Variants in SUMF1 observed in about 807,000 individuals in gnomAD.
SUMF1 encodes the protein formylglycine-generating enzyme.
SUMF1 carries 48 observed loss-of-function variants against 47.6 expected under a neutral mutation model. That is an observed-to-expected ratio of 1.01 (90% CI 0.80 to 1.28). The LOEUF (loss-of-function observed/expected upper bound fraction) is 1.28. SUMF1 is among the 50% of genes most tolerant of loss of function. SUMF1 has a pLI of 0.00. For missense variants in SUMF1, 571 were observed against 485.4 expected (o/e 1.18, Z -1.66); for synonymous variants, 230 against 192.1 (o/e 1.20, Z -1.63).
intron 8 of SUMF1, among the ~76,000 whole-genome samples, chr3:4,241,552 A>C (rs1411222288): frequency 1.3e-5 from 2 of 152,182 alleles, no homozygotes; most frequent in Non-Finnish European, 2.9e-5. Context: ...GAACCAAATG[A>C]GATCATATAT....
intron 8 of SUMF1, among the ~76,000 whole-genome samples, chr3:4,298,241 T>C (rs1357554521): frequency 6.6e-6 from 1 of 152,142 alleles, no homozygotes. Flanking sequence ...AAGATCAAGG[T>C]TCCTGGTCAA....
chr3:4,165,727 T>A (rs924894351), intron 8 of SUMF1, among the ~76,000 whole-genome samples: 1 of 151,750 alleles, frequency 6.6e-6, no homozygotes, highest in Non-Finnish European at 1.5e-5. Flanking sequence ...CAGAAAAAAA[T>A]GAGCCACTTC....
intron 8 of SUMF1, among the ~76,000 whole-genome samples, chr3:4,362,792 TAGTCACAGCTACTCTAGAGGTTG>T (rs1198373350): frequency 1.3e-5 from 2 of 152,078 alleles, no homozygotes; most frequent in Non-Finnish European, 2.9e-5. Flanking sequence ...TGTGCACTTG[TAGTCACAGCTACTCTAGAGGTTG>T]AAGTGGGAAG....
At chr3:4,064,069 G>A (rs1321094345) in intron 9 of SUMF1, among the ~76,000 whole-genome samples, 1 of 152,076 alleles carries the variant, frequency 6.6e-6, no homozygotes, top group Non-Finnish European at 1.5e-5. Flanking sequence ...GAACCAGAGT[G>A]ACTTCATCTT....
intron 8 of SUMF1, among the ~76,000 whole-genome samples, chr3:4,267,650 G>A (rs1697223912): frequency 6.6e-6 from 1 of 151,646 alleles, no homozygotes; most frequent in Non-Finnish European, 1.5e-5. Flanking sequence ...CACCATAACT[G>A]GCCATCAGAG....
At chr3:4,273,624 T>C (rs768080832) in intron 8 of SUMF1, among the ~76,000 whole-genome samples, 1 of 149,814 alleles carries the variant, frequency 6.7e-6, no homozygotes, top group Non-Finnish European at 1.5e-5. Context: ...CTTTTAACTA[T>C]ATACTTAAAA....
chr3:4,226,857 T>C (rs557222751), intron 8 of SUMF1, among the ~76,000 whole-genome samples: 1 of 118,736 alleles, frequency 8.4e-6, no homozygotes, highest in African/African-American at 3.3e-5. Context: ...GCTATGACTA[T>C]GTAAGCATGA....
intron 8 of SUMF1, among the ~76,000 whole-genome samples, chr3:4,295,028 G>A (rs1041685709): frequency 4.6e-5 from 7 of 152,070 alleles, no homozygotes; most frequent in African/African-American, 7.2e-5. Context: ...TTCTTTTTAC[G>A]ACAAACTTTT....
chr3:4,323,521 T>A (rs1698880646), intron 8 of SUMF1, among the ~76,000 whole-genome samples: 1 of 152,146 alleles, frequency 6.6e-6, no homozygotes, highest in Non-Finnish European at 1.5e-5. Context: ...AGGTGGATTT[T>A]ATGGTATGTG....
chr3:4,090,299 GGGTTTTCTCTAGGTACTTT>G (rs1339495769), intron 8 of SUMF1, among the ~76,000 whole-genome samples: 5 of 152,028 alleles, frequency 3.3e-5, no homozygotes, highest in African/African-American at 1.2e-4. Flanking sequence ...ATGTCTGCAT[GGGTTTTCTCTAGGTACTTT>G]GGTTTTCTCT....
chr3:4,176,908 A>G (rs1694977658), intron 8 of SUMF1, among the ~76,000 whole-genome samples: 1 of 152,198 alleles, frequency 6.6e-6, no homozygotes, highest in Non-Finnish European at 1.5e-5. Flanking sequence ...GATAAAACAG[A>G]CTTTAAACCA....
intron 3 of SUMF1, among the ~76,000 whole-genome samples, chr3:4,435,307 G>A (rs1559298089): frequency 6.6e-6 from 1 of 152,144 alleles, no homozygotes; most frequent in African/African-American, 2.4e-5. Flanking sequence ...AGAGCTCTCA[G>A]AGAAAATAGG....
intron 8 of SUMF1, among the ~76,000 whole-genome samples, chr3:4,122,047 G>A (rs991199195): frequency 6.6e-6 from 1 of 151,350 alleles, no homozygotes; most frequent in Non-Finnish European, 1.5e-5. Flanking sequence ...ACATGATCGC[G>A]TTCTTTTTTT....
At chr3:4,291,361 ATC>A (rs1169050683) in intron 8 of SUMF1, among the ~76,000 whole-genome samples, 1 of 151,432 alleles carries the variant, frequency 6.6e-6, no homozygotes, top group African/African-American at 2.4e-5. Flanking sequence ...CTTGAAATCC[ATC>A]TCTCTCTCCC....
chr3:4,143,191 T>A (rs1460575321), intron 8 of SUMF1, among the ~76,000 whole-genome samples: 2 of 152,150 alleles, frequency 1.3e-5, no homozygotes, highest in Admixed American at 6.5e-5. Flanking sequence ...AAACAACATC[T>A]ACATTTACAC....
chr3:4,347,719 A>T (rs1331335834), intron 8 of SUMF1, among the ~76,000 whole-genome samples: 1 of 152,196 alleles, frequency 6.6e-6, no homozygotes, highest in Non-Finnish European at 1.5e-5. Context: ...AGGGTATTCA[A>T]TAGGAAGAGA....
chr3:4,072,261 A>G (rs1281412747), intron 8 of SUMF1, among the ~76,000 whole-genome samples: 1 of 152,162 alleles, frequency 6.6e-6, no homozygotes, highest in Admixed American at 6.5e-5. Flanking sequence ...AAGGAAAACT[A>G]ACAAATAGAA....
At chr3:4,181,100 G>T (rs1695086653) in intron 8 of SUMF1, among the ~76,000 whole-genome samples, 1 of 152,158 alleles carries the variant, frequency 6.6e-6, no homozygotes, top group African/African-American at 2.4e-5. Flanking sequence ...TCCACATAGA[G>T]GATAGTGGAA....
chr3:4,207,792 C>G (rs898095323), intron 8 of SUMF1, among the ~76,000 whole-genome samples: 22 of 152,230 alleles, frequency 1.4e-4, no homozygotes, highest in African/African-American at 5.1e-4. Context: ...CAAGGAGATA[C>G]AGAAAACCAC....
Sources: allele counts gnomAD v4.1 joint callset (sites outside exome capture counted in the v4.1 genomes callset), GRCh38; gene constraint gnomAD v4.1.1; transcripts MANE v1.5; gene names NCBI Gene and HGNC (gene_info 2026-07-23, HGNC 2026-07-21).